ATP2C2: variants seen among roughly 807,000 people sequenced by gnomAD.
ATP2C2 encodes ATPase secretory pathway Ca2+ transporting 2, also known as calcium-transporting ATPase type 2C member 2.
In ATP2C2, 171 loss-of-function variants were observed where a neutral mutation model predicts 110.8. The observed-to-expected ratio is 1.54, with a 90% CI of 1.36 to 1.75. The LOEUF (loss-of-function observed/expected upper bound fraction) is 1.75. Among genes scored for constraint, ATP2C2 ranks in the 40% most tolerant of loss-of-function variants. The pLI is 0.00. For missense variants in ATP2C2, 1,963 were observed against 1,235.0 expected, an observed-to-expected ratio of 1.59 and a Z score of -8.84; for synonymous variants, 804 against 508.4, an observed-to-expected ratio of 1.58 and a Z score of -7.82.
intron 7 of ATP2C2, among the ~76,000 whole-genome samples, chr16:84,421,297 T>C (rs11861710): frequency 0.057 from 8,669 of 152,246 alleles, 793 homozygotes; most frequent in African/African-American, 0.19. Flanking sequence ...CGCTGTGGGG[T>C]CCACTGGGAA....
At chr16:84,436,464 C>T (rs1908744864) in intron 11 of ATP2C2, among the ~76,000 whole-genome samples, 3 of 152,156 alleles carry the variant, frequency 2.0e-5, no homozygotes, top group African/African-American at 7.2e-5. Context: ...CTGCAGGGTC[C>T]CTGGCAGTGG....
intron 1 of ATP2C2, among the ~76,000 whole-genome samples, chr16:84,381,878 G>T (rs1175083619): frequency 1.3e-5 from 2 of 152,176 alleles, no homozygotes; most frequent in Admixed American, 1.3e-4. Flanking sequence ...AGAAAATGAA[G>T]TAACTTGCCC....
chr16:84,441,570 G>A (rs1283327900), intron 14 of ATP2C2, among the ~76,000 whole-genome samples: 1 of 152,162 alleles, frequency 6.6e-6, no homozygotes, highest in African/African-American at 2.4e-5. Context: ...CAAAGGACCT[G>A]CCTCCAGGGG....
chr16:84,372,459 T>C (rs924524897), intron 1 of ATP2C2, among the ~76,000 whole-genome samples: 2 of 152,064 alleles, frequency 1.3e-5, no homozygotes, highest in African/African-American at 2.4e-5. Context: ...TTCGAGACAG[T>C]GTCTCGCCCT....
At chr16:84,453,491 T>C in intron 20 of ATP2C2, 120 bp downstream of exon 20, 1 of 1,353,316 alleles carries the variant, frequency 7.4e-7, no homozygotes, top group Non-Finnish European at 1.1e-6. Context: ...CTTCCTTCTC[T>C]AGGTCCAGGG....
chr16:84,463,034 T>A (rs1247708893), intron 26 of ATP2C2: 4 of 157,052 alleles, frequency 2.5e-5, no homozygotes, highest in Admixed American at 6.3e-5. Context: ...CCCAAAACAC[T>A]CTGCTCACTG....
In ATP2C2 at chr16:84,454,805, G is replaced by T. The variant is rs373755993; in HGVS notation, c.1981-13G>T. ...GTCAGGCTGCAGGCCTTCATTGCCT[G>T]CTCTTTCCAAAGGCTCTGCAGGAGT... is the stretch of plus-strand genomic sequence containing the variant. On this transcript the variant is annotated splice_polypyrimidine_tract_variant and intron_variant, in intron 20 of 26. Coordinates refer to ENST00000262429, the MANE Select transcript of ATP2C2 (RefSeq NM_014861.4). The T allele has an allele frequency of 6.3e-7, 1 of 1,574,856 alleles. No individual in the cohort carries two copies. The highest frequency in any genetic ancestry group is 1.2e-5 in the South Asian group (1 of 86,226).
At chr16:84,453,966 C>T (rs780259408) in intron 20 of ATP2C2, among the ~76,000 whole-genome samples, 1 of 152,070 alleles carries the variant, frequency 6.6e-6, no homozygotes, top group African/African-American at 2.4e-5. Flanking sequence ...TCAGTCTCCC[C>T]AAGTAGCTGG....
chr16:84,408,524 G>A (rs762476855), intron 4 of ATP2C2, 30 bp downstream of exon 4: 2 of 1,582,856 alleles, frequency 1.3e-6, no homozygotes, highest in East Asian at 2.2e-5. Flanking sequence ...TCGGCTCCCG[G>A]GCGGGCAGCC....
chr16:84,377,818 C>T lies in ATP2C2; in HGVS notation c.99+9104C>T, dbSNP rs562650514. 5.3e-5 allele frequency among the ~76,000 whole-genome samples: 8 copies of T among 152,116 alleles called. No individual in the cohort carries two copies. In the East Asian group the frequency reaches 9.7e-4, roughly 18 times the overall value. On this transcript the variant is annotated intron_variant, in intron 1 of 26. Coordinates refer to ENST00000262429, the MANE Select transcript of ATP2C2 (RefSeq NM_014861.4). ...ATTTTTTTCTTTGAGGAGCTGTGGGCCACCAGGAGAAAATTTGTAATTGTG... is the reference window on the plus strand; with the variant it reads ...ATTTTTTTCTTTGAGGAGCTGTGGGTCACCAGGAGAAAATTTGTAATTGTG...
intron 21 of ATP2C2, among the ~76,000 whole-genome samples, chr16:84,455,219 G>A (rs540059490): frequency 1.3e-5 from 2 of 152,238 alleles, no homozygotes; most frequent in Non-Finnish European, 2.9e-5. Context: ...GCCCCCAGGG[G>A]AATGTTACGG....
intron 20 of ATP2C2, among the ~76,000 whole-genome samples, chr16:84,454,379 G>A (rs953120680): frequency 6.6e-6 from 1 of 152,148 alleles, no homozygotes; most frequent in African/African-American, 2.4e-5. Context: ...TTAGTAGACG[G>A]GCTTTCTTCT....
At chr16:84,440,979 G>A in intron 14 of ATP2C2, 21 bp downstream of exon 14, 1 of 1,575,512 alleles carries the variant, frequency 6.3e-7, no homozygotes, top group Non-Finnish European at 8.7e-7. Flanking sequence ...AAAGCGCCAT[G>A]AGGGAAATAG....
chr16:84,461,388 T>A, intron 24 of ATP2C2: 2 of 463,816 alleles, frequency 4.3e-6, no homozygotes, highest in Non-Finnish European at 7.8e-6. Flanking sequence ...TCAGCCTTCC[T>A]TGTAGGAAAT....
chr16:84,429,034 G>C (rs1359046848), intron 11 of ATP2C2, among the ~76,000 whole-genome samples: 2 of 152,148 alleles, frequency 1.3e-5, no homozygotes, highest in African/African-American at 4.8e-5. Context: ...TTAGGCTCTG[G>C]ATAATGAAAC....
intron 11 of ATP2C2, among the ~76,000 whole-genome samples, chr16:84,429,137 T>A (rs1597818636): frequency 8.5e-6 from 1 of 117,956 alleles, no homozygotes; most frequent in Non-Finnish European, 1.9e-5. Context: ...CTTCATGGCG[T>A]TGTTTTTTTT....
chr16:84,451,856 C>G (rs371406543), intron 17 of ATP2C2, 65 bp from the exon 18 acceptor site: 1 of 1,477,214 alleles, frequency 6.8e-7, no homozygotes, highest in East Asian at 2.3e-5. Flanking sequence ...CAACAACAAC[C>G]AACAACAAAA....
At chr16:84,402,933 A>C (rs1905432420) in intron 2 of ATP2C2, among the ~76,000 whole-genome samples, 1 of 152,146 alleles carries the variant, frequency 6.6e-6, no homozygotes, top group African/African-American at 2.4e-5. Context: ...TAACCGGAAG[A>C]CTTTTTATTA....
intron 1 of ATP2C2, among the ~76,000 whole-genome samples, chr16:84,378,777 A>G (rs1391993876): frequency 6.6e-6 from 1 of 152,180 alleles, no homozygotes; most frequent in Non-Finnish European, 1.5e-5. Flanking sequence ...AATCTCAAGA[A>G]GGCGGCAGCA....
Sources: gnomAD v4.1 joint callset for allele counts (sites outside exome capture counted in the v4.1 genomes callset) on GRCh38, gnomAD v4.1.1 for gene constraint, MANE v1.5 for transcripts, NCBI Gene and HGNC (gene_info 2026-07-23, HGNC 2026-07-21) for gene names.